RUNDC3B: variants seen among roughly 807,000 people sequenced by gnomAD.
The protein encoded by RUNDC3B is RUN domain-containing protein 3B.
A neutral mutation model predicts 58.4 loss-of-function variants in RUNDC3B; 33 were observed. The ratio of observed to expected loss-of-function variants is 0.56; its 90% CI spans 0.43 to 0.75. RUNDC3B has a LOEUF of 0.75. Ranked by LOEUF, RUNDC3B falls within the 30% of genes least tolerant of loss-of-function variation. The pLI is 0.00. For synonymous variants in RUNDC3B, 193 were observed against 195.2 expected (o/e 0.99, Z 0.10); for missense variants, 501 against 535.7 (o/e 0.94, Z 0.64).
chr7:87,788,817 T>C (rs1835370909), intron 8 of RUNDC3B, among the ~76,000 whole-genome samples: 1 of 152,022 alleles, frequency 6.6e-6, no homozygotes, highest in African/African-American at 2.4e-5. Context: ...TCAAAACTTA[T>C]TGTCATAATT....
chr7:87,702,395 C>T (rs1309011840), intron 3 of RUNDC3B, among the ~76,000 whole-genome samples: 2 of 151,956 alleles, frequency 1.3e-5, no homozygotes, highest in African/African-American at 4.8e-5. Flanking sequence ...CCTCCAACCT[C>T]AGCTTCCTGA....
At chr7:87,725,619 C>G (rs928776594) in intron 4 of RUNDC3B, among the ~76,000 whole-genome samples, 2 of 152,174 alleles carry the variant, frequency 1.3e-5, no homozygotes, top group Non-Finnish European at 2.9e-5. Context: ...AATGGGATGG[C>G]TGGGTCAAAT....
intron 4 of RUNDC3B, among the ~76,000 whole-genome samples, chr7:87,722,323 A>G (rs1207644804): frequency 1.3e-5 from 2 of 151,946 alleles, no homozygotes; most frequent in Non-Finnish European, 2.9e-5. Flanking sequence ...TCCCTAACTG[A>G]AATTTTGTAC....
At chr7:87,716,148 C>T (rs776981829) in intron 4 of RUNDC3B, among the ~76,000 whole-genome samples, 1 of 152,118 alleles carries the variant, frequency 6.6e-6, no homozygotes, top group Non-Finnish European at 1.5e-5. Context: ...AATCTGCCTA[C>T]CATCATTAAA....
intron 3 of RUNDC3B, among the ~76,000 whole-genome samples, chr7:87,702,297 G>A (rs551522997): frequency 7.3e-5 from 11 of 150,444 alleles, no homozygotes; most frequent in African/African-American, 2.4e-4. Flanking sequence ...TTATTTTTTA[G>A]GGACAGGGTC....
At chr7:87,703,618 G>A (rs1381924900) in intron 3 of RUNDC3B, among the ~76,000 whole-genome samples, 2 of 151,808 alleles carry the variant, frequency 1.3e-5, no homozygotes, top group Non-Finnish European at 1.5e-5. Flanking sequence ...TCTGTCTCAC[G>A]TATTTAAGCC....
intron 2 of RUNDC3B, among the ~76,000 whole-genome samples, chr7:87,698,614 A>T (rs1416612600): frequency 6.6e-6 from 1 of 152,132 alleles, no homozygotes; most frequent in Non-Finnish European, 1.5e-5. Flanking sequence ...TGCATTTAAG[A>T]TTATCTGTGT....
At chr7:87,646,012 C>T (rs989601212) in intron 1 of RUNDC3B, among the ~76,000 whole-genome samples, 4 of 152,124 alleles carry the variant, frequency 2.6e-5, no homozygotes, top group Non-Finnish European at 5.9e-5. Flanking sequence ...CCTTAAATGT[C>T]TTTATGCTTG....
chr7:87,795,604 A>G (rs908361476), intron 8 of RUNDC3B, among the ~76,000 whole-genome samples: 3 of 152,126 alleles, frequency 2.0e-5, no homozygotes, highest in Admixed American at 6.5e-5. Context: ...ATGGCTGGGC[A>G]TGGTGGCTCA....
chr7:87,648,290 T>G (rs1823231016), intron 1 of RUNDC3B, among the ~76,000 whole-genome samples: 1 of 151,930 alleles, frequency 6.6e-6, no homozygotes, highest in African/African-American at 2.4e-5. Flanking sequence ...ATCATGGGAA[T>G]GTGCACATTT....
intron 6 of RUNDC3B, among the ~76,000 whole-genome samples, chr7:87,745,011 T>C (rs1468785494): frequency 1.3e-5 from 2 of 152,094 alleles, no homozygotes; most frequent in African/African-American, 4.8e-5. Context: ...TTTGCTGACA[T>C]TTTTAATCAT....
rs1221455769 is a variant in RUNDC3B at position 87,831,979 on chromosome 7, C to T, written c.*1949C>T. 1 of 151,908 alleles carries T rather than the reference C, an allele frequency of 6.6e-6. No homozygotes were observed. The highest frequency in any genetic ancestry group is 2.4e-5 in the African/African-American group (1 of 41,410). The allele number at this position is 151,908 out of a possible 1,614,324, so 9.4% of individuals were successfully genotyped here. ...TGTGTAATTTGTGCATCTTCACATG[C>T]TGCTAAATGCAGATTTAAACATTAC... On this transcript the variant is annotated 3_prime_UTR_variant, in exon 11 of 11. Transcript: ENST00000394654.
chr7:87,730,167 C>A (rs1012991736), intron 4 of RUNDC3B, among the ~76,000 whole-genome samples: 2 of 152,126 alleles, frequency 1.3e-5, no homozygotes, highest in African/African-American at 4.8e-5. Context: ...TCTGTGGGAA[C>A]CATGGGGAGA....
At chr7:87,737,064 A>AT (rs1318238262) in intron 4 of RUNDC3B, among the ~76,000 whole-genome samples, 1 of 150,108 alleles carries the variant, frequency 6.7e-6, no homozygotes, top group Non-Finnish European at 1.5e-5. Flanking sequence ...CGTCTGGCTA[A>AT]TTTTTTTGTA....
intron 3 of RUNDC3B, among the ~76,000 whole-genome samples, chr7:87,701,271 G>T (rs1225716596): frequency 6.6e-6 from 1 of 152,128 alleles, no homozygotes; most frequent in African/African-American, 2.4e-5. Context: ...CTCAAAAAAA[G>T]AAGAAAGAAG....
At chr7:87,740,417 G>T (rs1832250036) in intron 5 of RUNDC3B, among the ~76,000 whole-genome samples, 1 of 151,870 alleles carries the variant, frequency 6.6e-6, no homozygotes, top group Admixed American at 6.6e-5. Context: ...TGCTAAAAAT[G>T]GGCAATACAA....
intron 2 of RUNDC3B, chr7:87,693,874 T>G (rs1585121135): frequency 6.3e-7 from 1 of 1,596,002 alleles, no homozygotes; most frequent in East Asian, 2.2e-5. Flanking sequence ...TTCTTAAATA[T>G]CTGTGTGTTG....
intron 6 of RUNDC3B, among the ~76,000 whole-genome samples, chr7:87,748,905 T>A (rs1832804363): frequency 1.3e-5 from 2 of 152,174 alleles, no homozygotes; most frequent in African/African-American, 4.8e-5. Flanking sequence ...GTACAATGTC[T>A]AGAAAAGAAA....
intron 1 of RUNDC3B, among the ~76,000 whole-genome samples, chr7:87,632,275 A>G (rs934029105): frequency 6.6e-6 from 1 of 152,214 alleles, no homozygotes; most frequent in South Asian, 2.1e-4. Flanking sequence ...GCTTTATTCA[A>G]GTGCAATATA....
Sources: gnomAD v4.1 joint callset for allele counts (sites outside exome capture counted in the v4.1 genomes callset) on GRCh38, gnomAD v4.1.1 for gene constraint, MANE v1.5 for transcripts, NCBI Gene and HGNC (gene_info 2026-07-23, HGNC 2026-07-21) for gene names.